MAD1L1: variants seen among roughly 807,000 people sequenced by gnomAD.
MAD1L1 encodes the protein mitotic spindle assembly checkpoint protein MAD1.
In MAD1L1, 95 loss-of-function variants were observed where a neutral mutation model predicts 96.9. That is an observed-to-expected ratio of 0.98 (90% confidence interval 0.83 to 1.16). MAD1L1 has a LOEUF of 1.16. MAD1L1 is among the 50% of genes most tolerant of loss of function. The pLI, the probability that MAD1L1 is intolerant of heterozygous loss-of-function variation, is 0.00. For missense variants in MAD1L1, 1,007 were observed against 954.4 expected (o/e 1.06, Z -0.73); for synonymous variants, 473 against 396.6 (o/e 1.19, Z -2.29).
chr7:2,097,770 A>G (rs963698600), intron 11 of MAD1L1, among the ~76,000 whole-genome samples: 5 of 152,166 alleles, frequency 3.3e-5, no homozygotes, highest in African/African-American at 1.2e-4. Flanking sequence ...TGAGTGGGGA[A>G]GGGAGACAGT....
intron 15 of MAD1L1, among the ~76,000 whole-genome samples, chr7:1,963,125 C>T (rs1465386702): frequency 1.3e-5 from 2 of 152,182 alleles, no homozygotes; most frequent in Non-Finnish European, 2.9e-5. Context: ...AAGTCGATTT[C>T]TACATGGGAC....
rs141111007 is a variant in MAD1L1 at position 1,983,132 on chromosome 7, ACGCGCGCGCG to A, written c.1417-2601_1417-2592del. ...TGCACACACGCACACACACCCACAG[ACGCGCGCGCG>A]CGCGCGCGCGCGCACACACACACAC... On this transcript the variant is annotated intron_variant, in intron 14 of 18. Transcript: ENST00000265854. Among the ~76,000 whole-genome samples the A allele has an allele frequency of 2.0e-3, 287 of 144,874 alleles. 1 individual carries two copies. Among genetic ancestry groups the A allele is most frequent in the South Asian group, 3.7e-3 (17 of 4,536 alleles).
At chr7:1,929,141 T>G (rs915258019) in intron 17 of MAD1L1, among the ~76,000 whole-genome samples, 1 of 151,788 alleles carries the variant, frequency 6.6e-6, no homozygotes, top group African/African-American at 2.4e-5. Context: ...GCCAACCATC[T>G]TCCCCTCCCT....
intron 16 of MAD1L1, among the ~76,000 whole-genome samples, chr7:1,944,438 G>C (rs1779138274): frequency 6.6e-6 from 1 of 152,208 alleles, no homozygotes; most frequent in Admixed American, 6.5e-5. Context: ...AAGCGTGGAT[G>C]CAGCTGCCAG....
At chr7:1,997,244 A>C (rs1781598630) in intron 14 of MAD1L1, among the ~76,000 whole-genome samples, 1 of 152,168 alleles carries the variant, frequency 6.6e-6, no homozygotes, top group South Asian at 2.1e-4. Context: ...TTTGGGTTGG[A>C]AAATAGCAGG....
rs139722469 is a variant in MAD1L1 at position 2,071,191 on chromosome 7, C to T, written c.1074-1853G>A. On this transcript the variant is annotated intron_variant, in intron 11 of 18. Coordinates refer to ENST00000265854, the MANE Select transcript of MAD1L1 (RefSeq NM_001013836.2). ...GACTCATGTTTGAGTGAAGTGAATA[C>T]GGGGTTTTTAACTGTAACTTAGTAG... is the stretch of plus-strand genomic sequence containing the variant. Among the ~76,000 whole-genome samples the T allele has an allele frequency of 1.8e-3, 266 of 150,416 alleles. 1 individual carries two copies. The highest frequency in any genetic ancestry group is 5.9e-3 in the African/African-American group (240 of 40,666).
chr7:2,187,581 A>G (rs1424015636), intron 10 of MAD1L1, among the ~76,000 whole-genome samples: 1 of 152,020 alleles, frequency 6.6e-6, no homozygotes, highest in Non-Finnish European at 1.5e-5. Flanking sequence ...CCATCCTCCC[A>G]CCTCAACTTT....
intron 18 of MAD1L1, among the ~76,000 whole-genome samples, chr7:1,818,832 G>T (rs562892270): frequency 6.7e-6 from 1 of 149,700 alleles, no homozygotes; most frequent in African/African-American, 2.5e-5. Flanking sequence ...GAAGAATGAT[G>T]CCCTAATATA....
In MAD1L1 at chr7:2,149,116, C is replaced by T. The variant is rs1191905119; in HGVS notation, c.1073+36G>A. The T allele has an allele frequency of 2.1e-5, 33 of 1,599,366 alleles. No homozygotes were observed. The East Asian group carries it at 2.9e-4, about 14-fold the overall frequency. ...CTCACCCCTAACTCTCCAAAGCAAA[C>T]GCATCCCCACAAGCACCCTGGGCGG... On this transcript the variant is annotated intron_variant, in intron 11 of 18. Transcript: ENST00000265854.
At chr7:1,883,509 C>A (rs1785816425) in intron 18 of MAD1L1, among the ~76,000 whole-genome samples, 1 of 152,234 alleles carries the variant, frequency 6.6e-6, no homozygotes, top group African/African-American at 2.4e-5. Flanking sequence ...CCACTGGCTG[C>A]TGCCTGAAGG....
At chr7:2,073,542 C>A (rs537361781) in intron 11 of MAD1L1, among the ~76,000 whole-genome samples, 1 of 152,168 alleles carries the variant, frequency 6.6e-6, no homozygotes, top group Non-Finnish European at 1.5e-5. Flanking sequence ...CTCCCCGATC[C>A]GCTGGCTCCC....
intron 18 of MAD1L1, among the ~76,000 whole-genome samples, chr7:1,897,317 G>C (rs910616817): frequency 2.0e-5 from 3 of 151,346 alleles, no homozygotes; most frequent in Non-Finnish European, 4.4e-5. Flanking sequence ...TTAGACGCCC[G>C]TTCCAGACCA....
At chr7:1,817,879 G>A (rs1181841317) in intron 18 of MAD1L1, among the ~76,000 whole-genome samples, 1 of 151,876 alleles carries the variant, frequency 6.6e-6, no homozygotes, top group East Asian at 1.9e-4. Context: ...CCCTGATGGT[G>A]TCGCCCCTCC....
intron 16 of MAD1L1, among the ~76,000 whole-genome samples, chr7:1,950,315 T>C (rs79269137): frequency 6.6e-6 from 1 of 151,750 alleles, no homozygotes; most frequent in Non-Finnish European, 1.5e-5. Flanking sequence ...ACCATCCGTC[T>C]GTCCGTCCGT....
chr7:2,128,799 T>G (rs1788362934), intron 11 of MAD1L1, among the ~76,000 whole-genome samples: 1 of 152,124 alleles, frequency 6.6e-6, no homozygotes, highest in African/African-American at 2.4e-5. Flanking sequence ...TCGGCCACCC[T>G]CAAGCCCGTC....
chr7:2,216,861 G>A (rs2114996319), intron 7 of MAD1L1, among the ~76,000 whole-genome samples: 1 of 152,290 alleles, frequency 6.6e-6, no homozygotes, highest in East Asian at 1.9e-4. Flanking sequence ...GGACTCTCCT[G>A]TGGGAGGCCT....
intron 18 of MAD1L1, among the ~76,000 whole-genome samples, chr7:1,830,960 G>A (rs1013744965): frequency 2.0e-5 from 3 of 152,190 alleles, no homozygotes; most frequent in African/African-American, 7.2e-5. Context: ...CAGATTCTAT[G>A]CATATTTAAG....
At chr7:1,827,552 C>T (rs376853951) in intron 18 of MAD1L1, among the ~76,000 whole-genome samples, 16 of 120,596 alleles carry the variant, frequency 1.3e-4, no homozygotes, top group African/African-American at 5.5e-4. Context: ...GGGGCCTCCC[C>T]TCCTGAGCCC....
At chr7:2,156,090 G>C (rs972792032) in intron 10 of MAD1L1, among the ~76,000 whole-genome samples, 1 of 152,216 alleles carries the variant, frequency 6.6e-6, no homozygotes, top group Admixed American at 6.5e-5. Flanking sequence ...CAGGACAGTG[G>C]GCGCATGGTT....
Sources: allele counts gnomAD v4.1 joint callset (sites outside exome capture counted in the v4.1 genomes callset), GRCh38; gene constraint gnomAD v4.1.1; transcripts MANE v1.5; gene names NCBI Gene and HGNC (gene_info 2026-07-23, HGNC 2026-07-21).